The following ERICH5 variants were observed in gnomAD, a reference collection of about 807,000 sequenced individuals.
ERICH5 encodes glutamate rich 5, also known as glutamate-rich protein 5.
In ERICH5, 24 loss-of-function variants were observed where a neutral mutation model predicts 28.0. That is an observed-to-expected ratio of 0.86 (90% confidence interval 0.62 to 1.21). The LOEUF is 1.21. ERICH5 is among the 50% of genes most tolerant of loss of function. ERICH5 has a pLI of 0.00. For missense variants in ERICH5, 421 were observed against 441.2 expected (o/e 0.95, Z 0.41); for synonymous variants, 163 against 157.6 (o/e 1.03, Z -0.25).
intron 2 of ERICH5, among the ~76,000 whole-genome samples, chr8:98,091,979 T>A (rs1815415933): frequency 8.1e-5 from 1 of 12,346 alleles, no homozygotes; most frequent in Non-Finnish European, 2.2e-4. Flanking sequence ...TTCTTTTTCT[T>A]CTCTCTCTCT....
rs1185025027 is a variant in ERICH5, at chr8:98,073,432, CTATATA to C, written c.58+8727_58+8732del. Among the ~76,000 whole-genome samples the C allele has an allele frequency of 1.2e-3, 18 of 15,048 alleles. 3 individuals are homozygous for C. Among genetic ancestry groups the C allele is most frequent in the African/African-American group, 9.8e-4 (4 of 4,064 alleles). 9.9% of individuals were successfully genotyped at this position (15,048 alleles called of 152,430 possible). A position where few individuals can be genotyped will look rare whatever the true frequency, so the allele number is the denominator to read the frequency against. On this transcript the variant is annotated intron_variant, in intron 1 of 2. Transcript: ENST00000318528. ...TCTCTCTCTCTCTCTCTCTCTCTCT[CTATATA>C]TATATATATATATATATATATGTAT...
chr8:98,069,604 C>A (rs1814873828), intron 1 of ERICH5, among the ~76,000 whole-genome samples: 1 of 152,114 alleles, frequency 6.6e-6, no homozygotes, highest in African/African-American at 2.4e-5. Flanking sequence ...TAACCAGCCC[C>A]CCTATTGAGG....
At chr8:98,086,876 A>T (rs2514340) in intron 1 of ERICH5, among the ~76,000 whole-genome samples, 2 of 150,058 alleles carry the variant, frequency 1.3e-5, no homozygotes, top group Non-Finnish European at 3.0e-5. Context: ...GTGTGAACCC[A>T]GGTGGCGGAG....
chr8:98,086,258 C>T (rs1335115377), intron 1 of ERICH5, among the ~76,000 whole-genome samples: 1 of 152,144 alleles, frequency 6.6e-6, no homozygotes, highest in Non-Finnish European at 1.5e-5. Flanking sequence ...ACTCACTTAA[C>T]ATGCCAAGGA....
At chr8:98,066,686 C>T (rs188821410) in intron 1 of ERICH5, among the ~76,000 whole-genome samples, 37 of 152,272 alleles carry the variant, frequency 2.4e-4, no homozygotes, top group African/African-American at 8.4e-4. Flanking sequence ...TAATATGCGG[C>T]GTAAATTGCT....
intron 2 of ERICH5, 25 bp downstream of exon 2, chr8:98,090,054 G>T (rs1359375413): frequency 1.3e-6 from 2 of 1,535,602 alleles, no homozygotes; most frequent in Admixed American, 1.7e-5. Flanking sequence ...GGCAAACCTG[G>T]ATGTTTAGAT....
intron 1 of ERICH5, among the ~76,000 whole-genome samples, chr8:98,077,385 G>A (rs1815076790): frequency 1.3e-5 from 2 of 152,164 alleles, no homozygotes; most frequent in South Asian, 4.1e-4. Context: ...GGATTTCTAT[G>A]CAAATGTTGG....
chr8:98,091,884 CTTT>C (rs769097379), intron 2 of ERICH5, among the ~76,000 whole-genome samples: 1,987 of 86,576 alleles, frequency 0.023, 27 homozygotes, highest in Middle Eastern at 0.047. Flanking sequence ...TTCTTTCTTT[CTTT>C]CTTTCTTTCT....
intron 1 of ERICH5, among the ~76,000 whole-genome samples, chr8:98,080,438 C>T (rs982537454): frequency 1.3e-5 from 2 of 152,056 alleles, no homozygotes; most frequent in African/African-American, 4.8e-5. Context: ...CCTTCAGCAG[C>T]GCAAGAGTAA....
chr8:98,093,330 A>G lies in ERICH5; in HGVS notation c.1122A>G (p.Thr374=). The part of the protein sequence containing the change: ...TGEVVDLSAA[T] The stretch of plus-strand genomic sequence containing the variant: ...AAGTGGTGGACCTTTCAGCAGCCAC[A>G]TAGATAGAAGAGTGAACCGACACAG... The change falls in exon 3 of 3, where the codon ACA becomes ACG. Residue 374 remains threonine (T), a synonymous_variant. Coordinates refer to ENST00000318528, the MANE Select transcript of ERICH5 (RefSeq NM_173549.3). The G allele has an allele frequency of 1.9e-6, 3 of 1,610,816 alleles. No individual in the cohort carries two copies. Among genetic ancestry groups the G allele is most frequent in the Non-Finnish European group, 8.5e-7 (1 of 1,177,224 alleles).
Position 98,091,949 on chromosome 8 carries a change from C to CTTTCTTTCTTTCT in ERICH5, c.1013-1270_1013-1269insTCTTTCTTTCTTT, listed in dbSNP as rs71271196. The stretch of plus-strand genomic sequence containing the variant: ...TCTTTCTTTCTTCCTTTCTTTCTTT[C>CTTTCTTTCTTTCT]TTCTTTCTTTCTTTTTTCTTTCTTT... On this transcript the variant is annotated intron_variant, in intron 2 of 2. Transcript: ENST00000318528. Among the ~76,000 whole-genome samples the CTTTCTTTCTTTCT allele has an allele frequency of 1.4e-4, 14 of 101,998 alleles. 1 individual carries two copies. Among genetic ancestry groups the CTTTCTTTCTTTCT allele is most frequent in the African/African-American group, 5.2e-4 (12 of 23,098 alleles). The allele number at this position is 101,998 out of a possible 152,430, so 66.9% of individuals were successfully genotyped here. A position where few individuals can be genotyped will look rare whatever the true frequency, so the allele number is the denominator to read the frequency against.
intron 1 of ERICH5, among the ~76,000 whole-genome samples, 165 bp from the exon 2 acceptor site, chr8:98,088,911 G>T (rs2514344): frequency 0.34 from 51,955 of 152,032 alleles, 9,199 homozygotes; most frequent in Middle Eastern, 0.5. Flanking sequence ...GGATTTGACT[G>T]GGAGAGTGTT....
intron 1 of ERICH5, among the ~76,000 whole-genome samples, chr8:98,075,412 G>T (rs1332384577): frequency 6.6e-6 from 1 of 152,166 alleles, no homozygotes; most frequent in Non-Finnish European, 1.5e-5. Context: ...GGCCTCAAAG[G>T]TGTATCAGGT....
At chr8:98,079,145 ATTTTCCTCTTTTTTT>A (rs1338651525) in intron 1 of ERICH5, among the ~76,000 whole-genome samples, 1 of 127,920 alleles carries the variant, frequency 7.8e-6, no homozygotes, top group Non-Finnish European at 1.6e-5. Flanking sequence ...CAGGGACCAC[ATTTTCCTCTTTTTTT>A]TTTTCCTTTT....
At position 98,065,862 on chromosome 8, in the gene ERICH5, T is replaced by A. The variant is rs138388893; in HGVS notation, c.58+1135T>A. Among the ~76,000 whole-genome samples, 8 of 152,294 alleles carry A rather than the reference T, an allele frequency of 5.3e-5. No homozygotes were observed. The East Asian group carries it at 1.5e-3, about 29-fold the overall frequency. ...GTAACAGAAATGTCTTCCTCTGATGTTGTTGGTAGAGCGCACCAGACGGTG... is the reference window on the plus strand; with the variant it reads ...GTAACAGAAATGTCTTCCTCTGATGATGTTGGTAGAGCGCACCAGACGGTG... On this transcript the variant is annotated intron_variant, in intron 1 of 2. Coordinates refer to ENST00000318528, the MANE Select transcript of ERICH5 (RefSeq NM_173549.3).
At chr8:98,084,644 G>A (rs1196117793) in intron 1 of ERICH5, among the ~76,000 whole-genome samples, 1 of 152,172 alleles carries the variant, frequency 6.6e-6, no homozygotes, top group Non-Finnish European at 1.5e-5. Flanking sequence ...GCCTCCCAAA[G>A]TGCTGGGATT....
At chr8:98,069,760 T>C (rs1814878364) in intron 1 of ERICH5, among the ~76,000 whole-genome samples, 1 of 152,050 alleles carries the variant, frequency 6.6e-6, no homozygotes, top group African/African-American at 2.4e-5. Flanking sequence ...GTGTACGCAC[T>C]GAAAGTTTTG....
At chr8:98,067,799 G>T (rs1814845856) in intron 1 of ERICH5, among the ~76,000 whole-genome samples, 1 of 151,814 alleles carries the variant, frequency 6.6e-6, no homozygotes, top group Non-Finnish European at 1.5e-5. Context: ...ATTTTTAGTA[G>T]AGACAGGGTT....
intron 1 of ERICH5, among the ~76,000 whole-genome samples, chr8:98,082,965 T>C (rs897641566): frequency 1.3e-5 from 2 of 152,248 alleles, no homozygotes; most frequent in African/African-American, 2.4e-5. Context: ...ACTTGGACAC[T>C]TATGACACCA....
Sources: gnomAD v4.1 joint callset for allele counts (sites outside exome capture counted in the v4.1 genomes callset) on GRCh38, gnomAD v4.1.1 for gene constraint, MANE v1.5 for transcripts, NCBI Gene and HGNC (gene_info 2026-07-23, HGNC 2026-07-21) for gene names.